ITGA8: variants seen among roughly 807,000 people sequenced by gnomAD.
ITGA8 encodes the protein integrin subunit alpha 8.
In ITGA8, 91 loss-of-function variants were observed where a neutral mutation model predicts 142.3. That is an observed-to-expected ratio of 0.64 (90% confidence interval 0.54 to 0.76). ITGA8 has a LOEUF of 0.76. Among genes scored for constraint, ITGA8 ranks in the 30% least tolerant of loss-of-function variants. The pLI, the probability that ITGA8 is intolerant of heterozygous loss-of-function variation, is 0.00. For synonymous variants in ITGA8, 505 were observed against 485.2 expected, an observed-to-expected ratio of 1.04 and a Z score of -0.54; for missense variants, 1,406 against 1,327.7, an observed-to-expected ratio of 1.06 and a Z score of -0.92.
intron 27 of ITGA8, among the ~76,000 whole-genome samples, chr10:15,539,717 T>C (rs1413537647): frequency 6.6e-6 from 1 of 152,168 alleles, no homozygotes; most frequent in Non-Finnish European, 1.5e-5. Flanking sequence ...TTTTGTTACC[T>C]GTATGCAATG....
chr10:15,694,371 CAT>C lies in ITGA8; in HGVS notation c.344-6335_344-6334del, dbSNP rs1317715487. Among the ~76,000 whole-genome samples the C allele has an allele frequency of 1.3e-3, 163 of 127,096 alleles. 1 individual carries two copies. Among genetic ancestry groups the C allele is most frequent in the African/African-American group, 5.0e-3 (159 of 31,948 alleles). 83.4% of individuals were successfully genotyped at this position (127,096 alleles called of 152,430 possible). On this transcript the variant is annotated intron_variant, in intron 2 of 29. Transcript: ENST00000378076. ...ATATATCATATATCAGATAATATAT[CAT>C]ATATGATAATATATCACATATCAGA... is the stretch of plus-strand genomic sequence containing the variant.
At chr10:15,699,788 A>G (rs11253608) in intron 2 of ITGA8, among the ~76,000 whole-genome samples, 5,194 of 152,318 alleles carry the variant, frequency 0.034, 238 homozygotes, top group East Asian at 0.18. Flanking sequence ...GCCCACTAGC[A>G]GTGGAGGAGT....
At chr10:15,519,258 G>T in intron 29 of ITGA8, 32 bp downstream of exon 29, 1 of 1,611,284 alleles carries the variant, frequency 6.2e-7, no homozygotes, top group East Asian at 2.2e-5. Flanking sequence ...AGCCCCTCTA[G>T]TTTAAAAGGA....
intron 23 of ITGA8, among the ~76,000 whole-genome samples, chr10:15,581,166 GA>G (rs1218539850): frequency 6.6e-6 from 1 of 152,172 alleles, no homozygotes; most frequent in Non-Finnish European, 1.5e-5. Flanking sequence ...ATATAGAGTG[GA>G]AGCTTTGGTC....
chr10:15,694,496 TA>T (rs947827417), intron 2 of ITGA8, among the ~76,000 whole-genome samples: 10 of 136,946 alleles, frequency 7.3e-5, no homozygotes, highest in Admixed American at 1.6e-4. Context: ...CTATAATATA[TA>T]AAAATGTATC....
intron 8 of ITGA8, among the ~76,000 whole-genome samples, chr10:15,671,307 G>A (rs574212310): frequency 4.0e-4 from 61 of 152,220 alleles, no homozygotes; most frequent in African/African-American, 1.5e-3. Flanking sequence ...AATTTGATCT[G>A]TCACTAACAG....
intron 27 of ITGA8, among the ~76,000 whole-genome samples, chr10:15,533,835 T>C (rs1833361797): frequency 6.6e-6 from 1 of 152,214 alleles, no homozygotes; most frequent in South Asian, 2.1e-4. Context: ...GGGAACTTTC[T>C]TTCACTTCCT....
At chr10:15,718,362 G>C (rs1178925035) in intron 2 of ITGA8, among the ~76,000 whole-genome samples, 3 of 152,164 alleles carry the variant, frequency 2.0e-5, no homozygotes, top group Non-Finnish European at 4.4e-5. Context: ...TCCCGAGCTT[G>C]GGCACTGGAA....
At position 15,684,147 on chromosome 10, in the gene ITGA8, A is replaced by G. The variant is rs1412236023; in HGVS notation, c.445-20T>C. 5 of 1,596,584 alleles carry G rather than the reference A, an allele frequency of 3.1e-6. No homozygotes were observed. In the African/African-American group the frequency reaches 4.1e-5, roughly 13 times the overall value. On this transcript the variant is annotated intron_variant, in intron 3 of 29. Coordinates refer to ENST00000378076, the MANE Select transcript of ITGA8 (RefSeq NM_003638.3). Reference sequence around the variant, plus strand: ...ACAGGCCTAGGAAACATCAAAGACAAAAAAATACATTTTTGATGTAGGTTT... The same window carrying G: ...ACAGGCCTAGGAAACATCAAAGACAGAAAAATACATTTTTGATGTAGGTTT...
intron 20 of ITGA8, 36 bp downstream of exon 20, chr10:15,604,172 C>T (rs200370122): frequency 6.6e-5 from 104 of 1,586,600 alleles, no homozygotes; most frequent in Middle Eastern, 1.7e-4. Flanking sequence ...CAAAAATATA[C>T]CTAGCTCTTG....
intron 8 of ITGA8, among the ~76,000 whole-genome samples, chr10:15,667,932 C>T (rs1487652876): frequency 2.0e-5 from 3 of 152,204 alleles, no homozygotes; most frequent in Admixed American, 1.3e-4. Context: ...GAGTGCTTTA[C>T]TTCCAACTAT....
At chr10:15,608,762 C>T (rs1833243323) in intron 15 of ITGA8, among the ~76,000 whole-genome samples, 1 of 152,014 alleles carries the variant, frequency 6.6e-6, no homozygotes, top group Admixed American at 6.6e-5. Flanking sequence ...GCAAGGCTGG[C>T]TTGGTGGATC....
chr10:15,616,407 A>G (rs938893974), intron 14 of ITGA8, 107 bp downstream of exon 14: 1 of 883,674 alleles, frequency 1.1e-6, no homozygotes, highest in Non-Finnish European at 1.9e-6. Context: ...AAGAGCATCT[A>G]AATATTCCCC....
intron 28 of ITGA8, among the ~76,000 whole-genome samples, chr10:15,521,641 G>C (rs375873076): frequency 2.0e-5 from 3 of 152,096 alleles, no homozygotes. Context: ...AACTTTCCTC[G>C]CTAGGAATTA....
At position 15,560,934 on chromosome 10, in the gene ITGA8, G is replaced by A. The variant is rs372007117; in HGVS notation, c.2638-2732C>T. On this transcript the variant is annotated intron_variant, in intron 25 of 29. Transcript: ENST00000378076. ...ATTTATTTTTCATTTTTATAGACACGGTCTCACTCTGTCGGTCAGGCTGGA... is the reference window on the plus strand; with the variant it reads ...ATTTATTTTTCATTTTTATAGACACAGTCTCACTCTGTCGGTCAGGCTGGA... Among the ~76,000 whole-genome samples the A allele has an allele frequency of 1.8e-4, 27 of 151,722 alleles. No homozygotes were observed. In the East Asian group the frequency reaches 2.5e-3, roughly 14 times the overall value.
intron 25 of ITGA8, among the ~76,000 whole-genome samples, chr10:15,562,945 G>A (rs193097421): frequency 1.8e-4 from 27 of 152,322 alleles, no homozygotes; most frequent in African/African-American, 6.3e-4. Context: ...CTGGGGTCAC[G>A]GGGGTGGATC....
At position 15,558,159 on chromosome 10, in the gene ITGA8, A is replaced by C; in HGVS notation, c.2681T>G (p.Leu894Trp). The C allele has an allele frequency of 6.2e-7, 1 of 1,614,232 alleles. No homozygotes were observed. The highest frequency in any genetic ancestry group is 2.2e-5 in the East Asian group (1 of 44,878). Reference sequence around the variant, plus strand: ...AAGATGAGGAATAGTAGAGTTTCGCAAAAAGGCGCTGAGCTCAGGGGTGTC... The same window carrying C: ...AAGATGAGGAATAGTAGAGTTTCGCCAAAAGGCGCTGAGCTCAGGGGTGTC... ...PEDTPELSAF[L>W]RNSTIPHLVR... The change falls in exon 26 of 30, where the codon TTG becomes TGG. Residue 894 changes from leucine to tryptophan, a missense_variant. Transcript: ENST00000378076.
In ITGA8 at chr10:15,613,670, A is replaced by G; in HGVS notation, c.1543T>C (p.Ser515Pro). The change falls in exon 15 of 30, where the codon TCT becomes CCT. Residue 515 changes from serine to proline, a missense_variant. Transcript: ENST00000378076. ...ACCGGACTAACTCACCAGGCAGCAGATGTCATAGAGTCTGGAACCTGGCAA... is the reference window on the plus strand; with the variant it reads ...ACCGGACTAACTCACCAGGCAGCAGGTGTCATAGAGTCTGGAACCTGGCAA... Reference protein sequence around the residue: ...KTCQVPDSMTSAACFSLRVCA... With the variant: ...KTCQVPDSMTPAACFSLRVCA... 6.2e-7 allele frequency: 1 copy of G among 1,610,140 alleles called. No individual in the cohort carries two copies. The highest frequency in any genetic ancestry group is 8.5e-7 in the Non-Finnish European group (1 of 1,176,396).
chr10:15,525,261 G>A (rs150688289), intron 28 of ITGA8, among the ~76,000 whole-genome samples: 2 of 152,194 alleles, frequency 1.3e-5, no homozygotes, highest in African/African-American at 2.4e-5. Context: ...TCAGCTTCAA[G>A]ACATAACCTT....
Sources: gnomAD v4.1 joint callset for allele counts (sites outside exome capture counted in the v4.1 genomes callset) on GRCh38, gnomAD v4.1.1 for gene constraint, MANE v1.5 for transcripts, NCBI Gene and HGNC (gene_info 2026-07-23, HGNC 2026-07-21) for gene names.